The following CFAP61 variants were observed in gnomAD, a reference collection of about 807,000 sequenced individuals.
The protein encoded by CFAP61 is cilia and flagella associated protein 61.
A neutral mutation model predicts 135.6 loss-of-function variants in CFAP61; 107 were observed. The ratio of observed to expected loss-of-function variants is 0.79; its 90% CI spans 0.67 to 0.93. CFAP61 has a LOEUF of 0.93. CFAP61 is among the 40% of genes least tolerant of loss of function. The pLI, the probability that CFAP61 is intolerant of heterozygous loss-of-function variation, is 0.00. For synonymous variants in CFAP61, 575 were observed against 578.5 expected, an observed-to-expected ratio of 0.99 and a Z score of 0.09; for missense variants, 1,507 against 1,556.2, an observed-to-expected ratio of 0.97 and a Z score of 0.53.
At chr20:20,181,511 G>T (rs1479513906) in intron 13 of CFAP61, among the ~76,000 whole-genome samples, 1 of 152,200 alleles carries the variant, frequency 6.6e-6, no homozygotes, top group East Asian at 1.9e-4. Flanking sequence ...AGACTCTGAG[G>T]ACTCAAGAAG....
chr20:20,083,143 G>A (rs6046606), intron 6 of CFAP61, among the ~76,000 whole-genome samples: 99,551 of 152,140 alleles, frequency 0.65, 32,774 homozygotes, highest in East Asian at 0.82. Flanking sequence ...TTCATACACC[G>A]TGGAATACTA....
At chr20:20,055,824 G>T in intron 1 of CFAP61, 1 of 708,472 alleles carries the variant, frequency 1.4e-6, no homozygotes, top group Non-Finnish European at 2.4e-6. Context: ...CCTGTTTTGA[G>T]CTCACTGGCT....
chr20:20,187,269 C>A (rs1021926985), intron 13 of CFAP61, among the ~76,000 whole-genome samples: 3 of 152,128 alleles, frequency 2.0e-5, no homozygotes, highest in Non-Finnish European at 4.4e-5. Context: ...TCGCTCCTGG[C>A]AGAAGGAGGA....
chr20:20,203,747 T>C (rs907324641), intron 17 of CFAP61, among the ~76,000 whole-genome samples: 1 of 152,190 alleles, frequency 6.6e-6, no homozygotes, highest in Non-Finnish European at 1.5e-5. Flanking sequence ...ACCTGTTTTC[T>C]TTCCTTTCTG....
At chr20:20,104,099 A>G (rs1372074688) in intron 8 of CFAP61, among the ~76,000 whole-genome samples, 1 of 152,276 alleles carries the variant, frequency 6.6e-6, no homozygotes, top group East Asian at 1.9e-4. Context: ...CACTTTACAT[A>G]ATAGAGTTAT....
intron 14 of CFAP61, among the ~76,000 whole-genome samples, chr20:20,190,068 A>G (rs1569097730): frequency 1.3e-5 from 2 of 152,240 alleles, no homozygotes; most frequent in Non-Finnish European, 1.5e-5. Context: ...TACAGGCGTG[A>G]GCCACCGTGC....
chr20:20,248,621 T>C (rs2050647963), intron 19 of CFAP61, among the ~76,000 whole-genome samples: 1 of 152,228 alleles, frequency 6.6e-6, no homozygotes, highest in Non-Finnish European at 1.5e-5. Flanking sequence ...CACTGATTAA[T>C]TGAAAGTTAA....
intron 18 of CFAP61, 58 bp downstream of exon 18, chr20:20,228,434 A>G: frequency 1.4e-6 from 2 of 1,449,254 alleles, no homozygotes; most frequent in Non-Finnish European, 1.9e-6. Flanking sequence ...TTATCTTCCT[A>G]CATCTGAAGA....
intron 10 of CFAP61, among the ~76,000 whole-genome samples, chr20:20,163,726 A>G (rs890296539): frequency 6.6e-6 from 1 of 152,016 alleles, no homozygotes; most frequent in Non-Finnish European, 1.5e-5. Flanking sequence ...CTAGGTTTTA[A>G]GCCCTGCCTG....
intron 19 of CFAP61, among the ~76,000 whole-genome samples, chr20:20,249,871 G>T (rs1409837035): frequency 6.6e-6 from 1 of 152,152 alleles, no homozygotes; most frequent in Non-Finnish European, 1.5e-5. Flanking sequence ...GTAGGGATCT[G>T]GAGCAGATAA....
In CFAP61 at chr20:20,188,270, A is replaced by G. The variant is rs79632730; in HGVS notation, c.1512+214A>G. Reference sequence around the variant, plus strand: ...TCAGTGGGGATCCCCCAGAGGGATCAGATACCCAAAATCCTTCTCAGGAAG... The same window carrying G: ...TCAGTGGGGATCCCCCAGAGGGATCGGATACCCAAAATCCTTCTCAGGAAG... On this transcript the variant is annotated intron_variant, in intron 14 of 26. Transcript: ENST00000245957. Among the ~76,000 whole-genome samples the G allele has an allele frequency of 3.4e-3, 519 of 152,348 alleles. 3 individuals are homozygous for G. Among genetic ancestry groups the G allele is most frequent in the African/African-American group, 0.012 (499 of 41,572 alleles).
intron 2 of CFAP61, among the ~76,000 whole-genome samples, chr20:20,061,900 A>G (rs772317524): frequency 6.6e-6 from 1 of 151,958 alleles, no homozygotes; most frequent in African/African-American, 2.4e-5. Context: ...CTGGGTACTC[A>G]CTCCCAGCTA....
intron 9 of CFAP61, among the ~76,000 whole-genome samples, chr20:20,151,808 C>T (rs145399009): frequency 0.013 from 1,422 of 112,578 alleles, 29 homozygotes; most frequent in African/African-American, 0.049. Flanking sequence ...CCTGTCTGGG[C>T]GACAGAGCAA....
chr20:20,229,750 T>G (rs1004230482), intron 18 of CFAP61, among the ~76,000 whole-genome samples: 2 of 152,236 alleles, frequency 1.3e-5, no homozygotes, highest in African/African-American at 4.8e-5. Flanking sequence ...GAACATACTC[T>G]TAGGTAACTA....
chr20:20,320,403 A>AATATATATTAT lies in CFAP61; in HGVS notation c.3423-21422_3423-21421insATTATATATAT, dbSNP rs1252047306. The stretch of plus-strand genomic sequence containing the variant: ...TATATGTAATATATATAATATATGT[A>AATATATATTAT]ATATATGTAATATATATTATATATG... On this transcript the variant is annotated intron_variant, in intron 25 of 26. Coordinates refer to ENST00000245957, the MANE Select transcript of CFAP61 (RefSeq NM_015585.4). Among the ~76,000 whole-genome samples, 66 of 76,538 alleles carry AATATATATTAT rather than the reference A, an allele frequency of 8.6e-4. 6 individuals carry two copies. The highest frequency in any genetic ancestry group is 4.7e-3 in the Admixed American group (35 of 7,372). The allele number at this position is 76,538 out of a possible 152,430, so 50.2% of individuals were successfully genotyped here.
intron 25 of CFAP61, 83 bp from the exon 26 acceptor site, chr20:20,341,748 A>T (rs2058451108): frequency 3.1e-6 from 3 of 979,028 alleles, no homozygotes; most frequent in Non-Finnish European, 4.8e-6. Flanking sequence ...ACTGTAATTT[A>T]TAAAGGCAAA....
intron 19 of CFAP61, among the ~76,000 whole-genome samples, chr20:20,247,402 A>C (rs964333829): frequency 6.6e-6 from 1 of 152,190 alleles, no homozygotes; most frequent in African/African-American, 2.4e-5. Flanking sequence ...AGTGGGTGGA[A>C]GCCACTGGCG....
chr20:20,304,167 G>A (rs1040691271), intron 25 of CFAP61, among the ~76,000 whole-genome samples: 6 of 152,064 alleles, frequency 3.9e-5, no homozygotes, highest in Non-Finnish European at 8.8e-5. Flanking sequence ...TGCGGCCCAG[G>A]CTGGCTTGGA....
chr20:20,061,618 G>A (rs74770252), intron 2 of CFAP61, among the ~76,000 whole-genome samples: 2,029 of 152,300 alleles, frequency 0.013, 45 homozygotes, highest in African/African-American at 0.046. Flanking sequence ...GGAGAGCTAT[G>A]ACAGCTTTAA....
Sources: gnomAD v4.1 joint callset for allele counts (sites outside exome capture counted in the v4.1 genomes callset) on GRCh38, gnomAD v4.1.1 for gene constraint, MANE v1.5 for transcripts, NCBI Gene and HGNC (gene_info 2026-07-23, HGNC 2026-07-21) for gene names.